Variants in PDZK1 observed in about 807,000 individuals in gnomAD.
PDZK1 encodes PDZ domain containing 1, also known as Na(+)/H(+) exchange regulatory cofactor NHE-RF3.
A neutral mutation model predicts 38.1 loss-of-function variants in PDZK1; 23 were observed. The ratio of observed to expected loss-of-function variants is 0.60; its 90% CI spans 0.43 to 0.85. The LOEUF (loss-of-function observed/expected upper bound fraction) is 0.85, where lower values mean the gene tolerates loss of function less well. Ranked by LOEUF, PDZK1 falls within the 40% of genes least tolerant of loss-of-function variation. The pLI is 0.00. For missense variants in PDZK1, 297 were observed against 504.3 expected (o/e 0.59, Z 3.94); for synonymous variants, 98 against 186.2 (o/e 0.53, Z 3.86).
At position 145,687,799 on chromosome 1, in the gene PDZK1, A is replaced by G. The variant is rs201529896; in HGVS notation, c.210+13T>C. ...AGAGATCCTGGAAGAAAAGCCCCAA[A>G]TGTCTCATTCACCTGCATATGTTCT... On this transcript the variant is annotated intron_variant, in intron 2 of 8. Coordinates refer to ENST00000417171, the MANE Select transcript of PDZK1 (RefSeq NM_001201325.2). The G allele has an allele frequency of 3.3e-5, 53 of 1,596,542 alleles. No individual in the cohort carries two copies. Among genetic ancestry groups the G allele is most frequent in the Non-Finnish European group, 3.4e-5 (40 of 1,164,126 alleles).
chr1:145,674,502 C>G (rs1453171456), intron 6 of PDZK1, among the ~76,000 whole-genome samples: 1 of 152,144 alleles, frequency 6.6e-6, no homozygotes, highest in African/African-American at 2.4e-5. Context: ...ACAGAAAAGG[C>G]AAAGGTGTCA....
intron 1 of PDZK1, among the ~76,000 whole-genome samples, chr1:145,700,721 G>A (rs1655910241): frequency 6.6e-6 from 1 of 152,114 alleles, no homozygotes; most frequent in South Asian, 2.1e-4. Flanking sequence ...CATCTTCCAA[G>A]GTCTGGGACT....
At chr1:145,694,556 T>G (rs1210112344) in intron 1 of PDZK1, among the ~76,000 whole-genome samples, 4 of 152,194 alleles carry the variant, frequency 2.6e-5, no homozygotes, top group African/African-American at 9.7e-5. Context: ...ACACCACCCC[T>G]ATTCTCAAGA....
rs1652974709 is a variant in PDZK1 at position 145,671,031 on chromosome 1, A to G, written c.*405T>C. 6.3e-6 allele frequency: 1 copy of G among 158,876 alleles called. No individual in the cohort carries two copies. Among genetic ancestry groups the G allele is most frequent in the African/African-American group, 2.5e-5 (1 of 40,248 alleles). 9.8% of individuals were successfully genotyped at this position (158,876 alleles called of 1,614,324 possible). ...TTCTAGCAACCACAACATTGTTACA[A>G]AAGCACAATTTTAATAGGCTTATCT... is the stretch of plus-strand genomic sequence containing the variant. On this transcript the variant is annotated 3_prime_UTR_variant, in exon 9 of 9. Coordinates refer to ENST00000417171, the MANE Select transcript of PDZK1 (RefSeq NM_001201325.2).
intron 7 of PDZK1, 65 bp from the exon 8 acceptor site, chr1:145,673,085 T>G (rs1653257643): frequency 6.8e-7 from 1 of 1,466,712 alleles, no homozygotes; most frequent in African/African-American, 1.4e-5. Context: ...TAGCTCTCCT[T>G]AAGAGAATAG....
chr1:145,672,032 G>A (rs183260621), intron 8 of PDZK1, among the ~76,000 whole-genome samples: 3 of 151,950 alleles, frequency 2.0e-5, no homozygotes, highest in East Asian at 3.9e-4. Flanking sequence ...TTAGAGTCTC[G>A]GCTTTGCTAT....
At chr1:145,686,782 G>A (rs1654812626) in intron 2 of PDZK1, 56 bp from the exon 3 acceptor site, 1 of 858,142 alleles carries the variant, frequency 1.2e-6, no homozygotes, top group South Asian at 1.8e-5. Flanking sequence ...CTGCCAGAGG[G>A]AAATGCTGAC....
intron 1 of PDZK1, among the ~76,000 whole-genome samples, chr1:145,691,087 C>T (rs1553703072): frequency 6.6e-6 from 1 of 152,210 alleles, no homozygotes; most frequent in Non-Finnish European, 1.5e-5. Flanking sequence ...CCACTGTGTA[C>T]TCCCCACCAC....
At chr1:145,674,865 A>ACAC (rs1179349795) in intron 6 of PDZK1, among the ~76,000 whole-genome samples, 8 of 152,142 alleles carry the variant, frequency 5.3e-5, no homozygotes, top group Admixed American at 2.0e-4. Flanking sequence ...TGTTAATATA[A>ACAC]CACTATTTTT....
In PDZK1 at chr1:145,707,351, C is replaced by T. The variant is rs1656301340; in HGVS notation, c.-37G>A. The stretch of plus-strand genomic sequence containing the variant: ...GAAGAGGAGCTGCTCTGTTCGTTCA[C>T]TCAGGAATTCTGTCTCTGCAGGTGA... On this transcript the variant is annotated 5_prime_UTR_variant, in exon 1 of 9. It adds an upstream start codon to the 5' untranslated region. Transcript: ENST00000417171. 6.6e-6 allele frequency: 1 copy of T among 152,316 alleles called. No homozygotes were observed. The highest frequency in any genetic ancestry group is 6.5e-5 in the Admixed American group (1 of 15,288). 9.4% of individuals were successfully genotyped at this position (152,316 alleles called of 1,614,324 possible). A position where few individuals can be genotyped will look rare whatever the true frequency, so the allele number is the denominator to read the frequency against.
intron 1 of PDZK1, among the ~76,000 whole-genome samples, chr1:145,702,249 C>G (rs1301065903): frequency 6.6e-6 from 1 of 152,096 alleles, no homozygotes; most frequent in Non-Finnish European, 1.5e-5. Context: ...ATACTTTGTC[C>G]TATATGGCAA....
chr1:145,672,797 G>A lies in PDZK1; in HGVS notation c.1439C>T (p.Thr480Ile), dbSNP rs1553698279. ...TATTCCTTCTTTAGAATCTGGAGGG[G>A]TGTCAAGTGGATCAGCCAGGGAGGA... ...IVSSLADPLD[T>I]PPDSKEGIVV... is the part of the protein sequence containing the mutation. Residue 480 changes from threonine to isoleucine, a missense_variant, in exon 8 of 9, where the codon ACC becomes ATC. Thr to Ile is a moderately conservative substitution (Grantham distance 89, BLOSUM62 -1). This residue lies in a region of PDZK1 where 54 missense variants were observed against 72.1 expected (regional missense o/e 0.75). Transcript: ENST00000417171. 5 of 1,611,814 alleles carry A rather than the reference G, an allele frequency of 3.1e-6. No individual in the cohort carries two copies. Among genetic ancestry groups the A allele is most frequent in the South Asian group, 1.1e-5 (1 of 90,970 alleles).
chr1:145,675,972 C>T lies in PDZK1; in HGVS notation c.991-2091G>A, dbSNP rs181757216. ...GGCAGAGGTTCCAGTGAGCTGAGAA[C>T]ATACCATTGCACTCCAGCTTGGACA... On this transcript the variant is annotated intron_variant, in intron 6 of 8. Transcript: ENST00000417171. 1.1e-3 allele frequency among the ~76,000 whole-genome samples: 168 copies of T among 151,960 alleles called. 1 individual carries two copies. Among genetic ancestry groups the T allele is most frequent in the African/African-American group, 3.9e-3 (162 of 41,426 alleles).
In PDZK1 at chr1:145,687,885, T is replaced by C. The variant is rs1553702206; in HGVS notation, c.137A>G (p.Lys46Arg). The change falls in exon 2 of 9, where the codon AAG becomes AGG. Residue 46 changes from lysine to arginine, a missense_variant. Physicochemically the swap from Lys to Arg is conservative, Grantham distance 26 (BLOSUM62 2). Transcript: ENST00000417171. The part of the protein sequence containing the change: ...RVVEKCSPAE[K>R]AGLQDGDRVL... Reference sequence around the variant, plus strand: ...TCTGTCTCCATCTTGAAGGCCAGCCTTCTCTGCTGGGCTACACTTCTCAAC... The same window carrying C: ...TCTGTCTCCATCTTGAAGGCCAGCCCTCTCTGCTGGGCTACACTTCTCAAC... 1 of 1,613,948 alleles carries C rather than the reference T, an allele frequency of 6.2e-7. No homozygotes were observed. Among genetic ancestry groups the C allele is most frequent in the Non-Finnish European group, 8.5e-7 (1 of 1,179,956 alleles).
intron 3 of PDZK1, among the ~76,000 whole-genome samples, chr1:145,682,933 A>G (rs1654410806): frequency 6.6e-6 from 1 of 152,110 alleles, no homozygotes; most frequent in African/African-American, 2.4e-5. Context: ...TAACACAGAG[A>G]TCTACATGTT....
At chr1:145,703,723 T>A (rs1172779819) in intron 1 of PDZK1, among the ~76,000 whole-genome samples, 1 of 152,000 alleles carries the variant, frequency 6.6e-6, no homozygotes, top group African/African-American at 2.4e-5. Context: ...AGCACAGTTA[T>A]ATGTTGAAAA....
intron 3 of PDZK1, among the ~76,000 whole-genome samples, chr1:145,686,004 C>G (rs587699455): frequency 6.6e-6 from 1 of 152,290 alleles, no homozygotes. Context: ...GGCACATCAG[C>G]AGGTGCTCAA....
rs1284297 is a variant in PDZK1 at position 145,689,907 on chromosome 1, C to T, written c.-2-1884G>A. Among the ~76,000 whole-genome samples the T allele has an allele frequency of 4.2e-3, 639 of 152,286 alleles. 6 individuals carry two copies. The highest frequency in any genetic ancestry group is 0.015 in the African/African-American group (621 of 41,566). On this transcript the variant is annotated intron_variant, in intron 1 of 8. Transcript: ENST00000417171. ...AAATCAGACAGAGAGCCCCCAGCTG[C>T]CCAATACCAGGCCTCTCCTGCAGTC...
chr1:145,673,250 T>TGTC (rs1653274639), intron 7 of PDZK1, among the ~76,000 whole-genome samples: 1 of 152,226 alleles, frequency 6.6e-6, no homozygotes, highest in Admixed American at 6.5e-5. Context: ...CAGCATCATA[T>TGTC]GTCTTCTGGG....
Sources: gnomAD v4.1 joint callset for allele counts (sites outside exome capture counted in the v4.1 genomes callset) on GRCh38, gnomAD v4.1.1 for gene constraint, gnomAD v4.1.1 regional missense constraint, MANE v1.5 for transcripts, NCBI Gene and HGNC (gene_info 2026-07-23, HGNC 2026-07-21) for gene names.